The following DOCK3 variants were observed in gnomAD, a reference collection of about 807,000 sequenced individuals.
The protein encoded by DOCK3 is dedicator of cytokinesis 3, also known as dedicator of cytokinesis protein 3.
DOCK3 carries 60 observed loss-of-function variants against 265.6 expected under a neutral mutation model. The observed-to-expected ratio is 0.23, with a 90% CI of 0.18 to 0.28. DOCK3 has a LOEUF of 0.28. Ranked by LOEUF, DOCK3 falls within the 10% of genes least tolerant of loss-of-function variation. DOCK3 has a pLI of 1.00. For missense variants in DOCK3, 1,981 were observed against 2,594.3 expected (o/e 0.76, Z 5.14); for synonymous variants, 881 against 938.0 (o/e 0.94, Z 1.11).
chr3:51,028,532 C>CTGTTTTT (rs1264268725), intron 5 of DOCK3, among the ~76,000 whole-genome samples: 1 of 152,072 alleles, frequency 6.6e-6, no homozygotes, highest in Non-Finnish European at 1.5e-5. Flanking sequence ...TGCTTACTTT[C>CTGTTTTT]TGTTTTTTTC....
chr3:50,756,412 G>T, intron 1 of DOCK3, among the ~76,000 whole-genome samples: 1 of 151,866 alleles, frequency 6.6e-6, no homozygotes, highest in East Asian at 1.9e-4. Context: ...ATGTAGGGGG[G>T]TTCTCCTGCC....
chr3:51,356,563 C>G, intron 43 of DOCK3, 70 bp downstream of exon 43: 2 of 1,499,102 alleles, frequency 1.3e-6, no homozygotes, highest in Non-Finnish European at 1.8e-6. Flanking sequence ...GGGCCCTTCT[C>G]TAAGGACTAA....
chr3:51,183,516 G>A (rs1304719757), intron 12 of DOCK3, among the ~76,000 whole-genome samples: 3 of 151,932 alleles, frequency 2.0e-5, no homozygotes, highest in African/African-American at 4.8e-5. Context: ...GGGTCTAAAT[G>A]GTATGTATTG....
intron 2 of DOCK3, among the ~76,000 whole-genome samples, chr3:50,819,099 T>G (rs1222812747): frequency 2.0e-5 from 3 of 152,214 alleles, no homozygotes; most frequent in Non-Finnish European, 4.4e-5. Flanking sequence ...TTTTTCTCCG[T>G]ATAGCTCCCT....
At chr3:51,319,240 G>T (rs2083540435) in intron 32 of DOCK3, among the ~76,000 whole-genome samples, 1 of 152,026 alleles carries the variant, frequency 6.6e-6, no homozygotes, top group African/African-American at 2.4e-5. Flanking sequence ...TTTTTATCAT[G>T]GGTAAATAGT....
chr3:51,356,907 A>G, intron 43 of DOCK3, 55 bp from the exon 44 acceptor site: 2 of 1,536,084 alleles, frequency 1.3e-6, no homozygotes, highest in Non-Finnish European at 1.8e-6. Context: ...TCTCAGGAAG[A>G]TGATGAGGGG....
At chr3:50,781,650 A>G (rs948237434) in intron 2 of DOCK3, among the ~76,000 whole-genome samples, 4 of 151,994 alleles carry the variant, frequency 2.6e-5, no homozygotes, top group African/African-American at 9.7e-5. Flanking sequence ...TTTTAGGTTC[A>G]GGGGTACGTG....
intron 5 of DOCK3, among the ~76,000 whole-genome samples, chr3:50,999,219 T>C (rs1449974585): frequency 6.6e-6 from 1 of 152,206 alleles, no homozygotes; most frequent in Non-Finnish European, 1.5e-5. Context: ...GATATAAGTA[T>C]AAATAAGTTA....
At chr3:51,261,332 A>G (rs1022600187) in intron 23 of DOCK3, among the ~76,000 whole-genome samples, 1 of 152,128 alleles carries the variant, frequency 6.6e-6, no homozygotes, top group African/African-American at 2.4e-5. Context: ...TCCCTCCCCT[A>G]CCCAAGGGAA....
intron 2 of DOCK3, among the ~76,000 whole-genome samples, chr3:50,823,139 T>C (rs2044542737): frequency 6.6e-6 from 1 of 151,986 alleles, no homozygotes; most frequent in South Asian, 2.1e-4. Context: ...AATTGGAATT[T>C]TATTTTTATT....
chr3:51,081,756 C>T (rs1472461065), intron 7 of DOCK3, among the ~76,000 whole-genome samples: 3 of 151,968 alleles, frequency 2.0e-5, no homozygotes, highest in East Asian at 3.9e-4. Flanking sequence ...ATTAGCTGGG[C>T]GTGGTGGCGG....
At chr3:50,823,694 CGG>C (rs1415111100) in intron 2 of DOCK3, among the ~76,000 whole-genome samples, 1 of 152,114 alleles carries the variant, frequency 6.6e-6, no homozygotes, top group Non-Finnish European at 1.5e-5. Context: ...ACCTCCCAGA[CGG>C]GGTGGTGGCC....
chr3:50,761,342 T>C (rs917224147), intron 1 of DOCK3, among the ~76,000 whole-genome samples: 1 of 152,194 alleles, frequency 6.6e-6, no homozygotes, highest in Non-Finnish European at 1.5e-5. Context: ...AAGGAAAACT[T>C]AGCTGAAAGG....
chr3:50,909,071 A>C lies in DOCK3; in HGVS notation c.218+18990A>C, dbSNP rs994923717. 1.6e-4 allele frequency among the ~76,000 whole-genome samples: 24 copies of C among 151,142 alleles called. 1 individual carries two copies. The highest frequency in any genetic ancestry group is 5.4e-4 in the African/African-American group (22 of 40,986). ...TTTTTGTTTTCCATTTGCTTGGTAA[A>C]TTTTCCTCCATCTCTTTATTTTGAG... On this transcript the variant is annotated intron_variant, in intron 4 of 52. Coordinates refer to ENST00000266037, the MANE Select transcript of DOCK3 (RefSeq NM_004947.5).
At chr3:51,198,938 A>G (rs1294010335) in intron 12 of DOCK3, among the ~76,000 whole-genome samples, 5 of 152,150 alleles carry the variant, frequency 3.3e-5, no homozygotes, top group Admixed American at 3.3e-4. Flanking sequence ...CTGAGGCATG[A>G]GAATCGCTTG....
Position 50,812,835 on chromosome 3 carries a change from AT to A in DOCK3, c.122-28839del, listed in dbSNP as rs1296201534. On this transcript the variant is annotated intron_variant, in intron 2 of 52. Transcript: ENST00000266037. ...GTGGCCCCAGTCAAGTTGACACATA[AT>A]AGTAACCATCACAGGCCCCAACTCA... 5.3e-5 allele frequency among the ~76,000 whole-genome samples: 8 copies of A among 152,352 alleles called. No homozygotes were observed. In the South Asian group the frequency reaches 8.3e-4, roughly 16 times the overall value.
chr3:51,042,937 A>G (rs1474415107), intron 5 of DOCK3, among the ~76,000 whole-genome samples: 1 of 152,220 alleles, frequency 6.6e-6, no homozygotes, highest in African/African-American at 2.4e-5. Context: ...GCTCAAAGAA[A>G]TCAGAGATGA....
intron 1 of DOCK3, among the ~76,000 whole-genome samples, chr3:50,777,128 C>T (rs2041649661): frequency 6.6e-6 from 1 of 152,124 alleles, no homozygotes; most frequent in Admixed American, 6.6e-5. Context: ...GTCCCTCCCA[C>T]AACACGTGGG....
At chr3:50,919,162 G>T (rs972699081) in intron 4 of DOCK3, among the ~76,000 whole-genome samples, 1 of 152,212 alleles carries the variant, frequency 6.6e-6, no homozygotes, top group Admixed American at 6.5e-5. Context: ...GGTTACTGCA[G>T]CCTTGTAGTA....
Sources: gnomAD v4.1 joint callset for allele counts (sites outside exome capture counted in the v4.1 genomes callset) on GRCh38, gnomAD v4.1.1 for gene constraint, MANE v1.5 for transcripts, NCBI Gene and HGNC (gene_info 2026-07-23, HGNC 2026-07-21) for gene names.